SPMIP2: variants seen among roughly 807,000 people sequenced by gnomAD.
SPMIP2 encodes the protein protein SPMIP2.
chr4:159,078,420 G>A, the SPMIP2 span, among the ~76,000 whole-genome samples: 1 of 152,162 alleles, frequency 6.6e-6, no homozygotes, highest in Non-Finnish European at 1.5e-5. Flanking sequence ...AGTTCCTACT[G>A]GCATGGAAAT....
the SPMIP2 span, among the ~76,000 whole-genome samples, chr4:158,903,866 C>G: frequency 6.6e-6 from 1 of 152,152 alleles, no homozygotes; most frequent in Non-Finnish European, 1.5e-5. Flanking sequence ...GTATCCACCT[C>G]TGCTGTAAGA....
chr4:159,082,495 T>TGTGTG, the SPMIP2 span, among the ~76,000 whole-genome samples: 1 of 52,586 alleles, frequency 1.9e-5, no homozygotes, highest in African/African-American at 6.5e-5. Context: ...GTGTGTGTGT[T>TGTGTG]TTGAACCTGA....
chr4:159,071,852 C>G, the SPMIP2 span, among the ~76,000 whole-genome samples: 1 of 152,294 alleles, frequency 6.6e-6, no homozygotes, highest in South Asian at 2.1e-4. Context: ...TGACTGCTTT[C>G]CCACAAAAAC....
the SPMIP2 span, among the ~76,000 whole-genome samples, chr4:159,039,127 T>TG: frequency 1.3e-5 from 2 of 152,034 alleles, no homozygotes; most frequent in African/African-American, 2.4e-5. Context: ...CTACAGGAGA[T>TG]GGTGTCTCAC....
At chr4:158,923,741 CA>C in the SPMIP2 span, among the ~76,000 whole-genome samples, 2 of 152,150 alleles carry the variant, frequency 1.3e-5, no homozygotes, top group Admixed American at 6.5e-5. Flanking sequence ...GAATACCTAT[CA>C]CAAGGTTGAA....
the SPMIP2 span, among the ~76,000 whole-genome samples, chr4:159,072,183 G>A: frequency 6.6e-6 from 1 of 152,090 alleles, no homozygotes; most frequent in Admixed American, 6.6e-5. Flanking sequence ...GTGTTGTGGC[G>A]CATGCCTGTA....
At chr4:158,907,346 T>C in the SPMIP2 span, 5 of 152,232 alleles carry the variant, frequency 3.3e-5, no homozygotes, top group South Asian at 2.1e-4. Flanking sequence ...TGAAAGTAAC[T>C]ATAATCTTTT....
the SPMIP2 span, among the ~76,000 whole-genome samples, chr4:158,974,219 A>G: frequency 9.2e-5 from 9 of 98,008 alleles, no homozygotes; most frequent in Non-Finnish European, 2.0e-4. Flanking sequence ...TTTTAAAAGT[A>G]AAACAATGAA....
the SPMIP2 span, among the ~76,000 whole-genome samples, chr4:158,990,653 C>T: frequency 6.6e-6 from 1 of 152,080 alleles, no homozygotes; most frequent in Non-Finnish European, 1.5e-5. Flanking sequence ...CAAACACCGC[C>T]ATGTTCTCAC....
the SPMIP2 span, among the ~76,000 whole-genome samples, chr4:159,076,241 T>C: frequency 7.1e-4 from 108 of 152,334 alleles, no homozygotes; most frequent in Non-Finnish European, 1.1e-3. Flanking sequence ...TCTAACACTT[T>C]CACTGATGGC....
the SPMIP2 span, among the ~76,000 whole-genome samples, chr4:158,936,643 T>C: frequency 2.0e-5 from 3 of 152,356 alleles, no homozygotes. Flanking sequence ...CAAGCCTTCT[T>C]TCCCTGTTAT....
At chr4:159,026,464 T>C in the SPMIP2 span, 1 of 811,554 alleles carries the variant, frequency 1.2e-6, no homozygotes, top group Non-Finnish European at 2.1e-6. Flanking sequence ...AGATGGGAAA[T>C]TCATGGTAGA....
chr4:159,048,893 C>T, the SPMIP2 span, among the ~76,000 whole-genome samples: 1 of 151,712 alleles, frequency 6.6e-6, no homozygotes, highest in Non-Finnish European at 1.5e-5. Flanking sequence ...TTTTTAAAAC[C>T]TGAGATAATT....
chr4:158,945,369 C>T, the SPMIP2 span, among the ~76,000 whole-genome samples: 10 of 152,200 alleles, frequency 6.6e-5, no homozygotes, highest in Middle Eastern at 3.4e-3. Flanking sequence ...TCCCCCTACA[C>T]GAGGAGCAGT....
the SPMIP2 span, among the ~76,000 whole-genome samples, chr4:158,991,405 G>A: frequency 3.9e-3 from 598 of 152,300 alleles, 4 homozygotes; most frequent in African/African-American, 0.013. Flanking sequence ...AGGTGGGCAA[G>A]GGCTTTGATC....
At chr4:158,930,501 G>C in the SPMIP2 span, among the ~76,000 whole-genome samples, 5 of 113,616 alleles carry the variant, frequency 4.4e-5, no homozygotes, top group Non-Finnish European at 1.8e-5. Context: ...AGCCTGTAAT[G>C]CCTGGCTTTT....
At chr4:159,041,309 T>C in the SPMIP2 span, among the ~76,000 whole-genome samples, 6 of 152,182 alleles carry the variant, frequency 3.9e-5, no homozygotes, top group African/African-American at 7.2e-5. Flanking sequence ...ACACAGTTTT[T>C]AAAAATAAAT....
At chr4:158,953,213 G>T in the SPMIP2 span, among the ~76,000 whole-genome samples, 1 of 152,190 alleles carries the variant, frequency 6.6e-6, no homozygotes, top group South Asian at 2.1e-4. Flanking sequence ...AGGAGAAAAT[G>T]GTTTAATGGG....
At chr4:159,058,023 C>A in the SPMIP2 span, among the ~76,000 whole-genome samples, 2 of 152,048 alleles carry the variant, frequency 1.3e-5, no homozygotes, top group African/African-American at 2.4e-5. Context: ...TGCCACCATG[C>A]CTGGCTAATT....
Sources: allele counts gnomAD v4.1 joint callset (sites outside exome capture counted in the v4.1 genomes callset), GRCh38; gene constraint gnomAD v4.1.1; transcripts MANE v1.5; gene names NCBI Gene and HGNC (gene_info 2026-07-23, HGNC 2026-07-21).